The following CLNK variants were observed in gnomAD, a reference collection of about 807,000 sequenced individuals.
The protein encoded by CLNK is cytokine-dependent hematopoietic cell linker.
In CLNK, 74 loss-of-function variants were observed where a neutral mutation model predicts 68.6. That is an observed-to-expected ratio of 1.08 (90% CI 0.89 to 1.31). CLNK has a LOEUF of 1.31. CLNK is among the 50% of genes most tolerant of loss of function. The pLI is 0.00. For missense variants in CLNK, 553 were observed against 515.3 expected, an observed-to-expected ratio of 1.07 and a Z score of -0.71; for synonymous variants, 198 against 172.2, an observed-to-expected ratio of 1.15 and a Z score of -1.17.
chr4:10,564,771 T>G lies in CLNK; in HGVS notation c.299A>C (p.His100Pro). The G allele has an allele frequency of 6.3e-7, 1 of 1,593,010 alleles. No homozygotes were observed. The highest frequency in any genetic ancestry group is 8.6e-7 in the Non-Finnish European group (1 of 1,160,838). ...PIKESEYADT[H>P]YFKVAMDTPL... is the part of the protein sequence containing the mutation. ...AGTGTCCATTGCAACCTTGAAATAG[T>G]GTGTATCTATGCAAACAGAAAAATA... The change falls in exon 7 of 19, where the codon CAC (histidine) becomes CCC (proline). Residue 100 changes from histidine (H) to proline (P), a missense_variant. Transcript: ENST00000226951.
intron 2 of CLNK, among the ~76,000 whole-genome samples, chr4:10,631,380 A>T (rs960398092): frequency 2.0e-5 from 3 of 152,260 alleles, no homozygotes; most frequent in African/African-American, 7.2e-5. Context: ...AACCAGAGAT[A>T]GGTGGGAGAG....
At chr4:10,545,885 C>T (rs1056544468) in intron 8 of CLNK, among the ~76,000 whole-genome samples, 2 of 152,172 alleles carry the variant, frequency 1.3e-5, no homozygotes, top group African/African-American at 4.8e-5. Flanking sequence ...AGTACAAGGG[C>T]CTCAACTGGG....
chr4:10,564,085 T>C (rs989744832), intron 7 of CLNK, among the ~76,000 whole-genome samples: 10 of 151,870 alleles, frequency 6.6e-5, no homozygotes, highest in Admixed American at 5.3e-4. Context: ...TTAGGGCATT[T>C]GCATTTACTA....
chr4:10,704,837 G>A, the CLNK span, among the ~76,000 whole-genome samples: 401 of 152,352 alleles, frequency 2.6e-3, 1 homozygote, highest in African/African-American at 9.0e-3. Flanking sequence ...CTGGTGAAAT[G>A]CCTGGCACCC....
chr4:10,668,458 G>T (rs988899375), intron 1 of CLNK, among the ~76,000 whole-genome samples: 1 of 152,266 alleles, frequency 6.6e-6, no homozygotes, highest in South Asian at 2.1e-4. Context: ...TAAGGGCTTC[G>T]TATCAATGAT....
At position 10,598,010 on chromosome 4, in the gene CLNK, CA is replaced by C; in HGVS notation, c.50del (p.Leu17Ter). 1 of 1,589,234 alleles carries C rather than the reference CA, an allele frequency of 6.3e-7. No homozygotes were observed. Among genetic ancestry groups the C allele is most frequent in the Non-Finnish European group, 8.6e-7 (1 of 1,166,222 alleles). On this transcript the variant is annotated frameshift_variant, in exon 3 of 19. Coordinates refer to ENST00000226951, the MANE Select transcript of CLNK (RefSeq NM_052964.4). LOFTEE classifies it high-confidence loss of function. ...RKTTKEGSND[L>X]KFQNFSLPKN... ...TTGGCAGACTGAAGTTCTGGAATTTCAAATCGTTGGATCCTTCTTTAGTTGT... is the reference window on the plus strand; with the variant it reads ...TTGGCAGACTGAAGTTCTGGAATTTCAATCGTTGGATCCTTCTTTAGTTGT...
chr4:10,729,164 T>C, the CLNK span, among the ~76,000 whole-genome samples: 6 of 152,206 alleles, frequency 3.9e-5, no homozygotes, highest in Non-Finnish European at 8.8e-5. Flanking sequence ...TTTCTCTTTG[T>C]GTCCTGTTTG....
At chr4:10,680,570 G>A (rs1296367437) in intron 1 of CLNK, among the ~76,000 whole-genome samples, 1 of 152,104 alleles carries the variant, frequency 6.6e-6, no homozygotes, top group African/African-American at 2.4e-5. Flanking sequence ...TCTAAGGAAG[G>A]TTTGTTTAAA....
rs1377585628 is a variant in CLNK, at chr4:10,513,604, A to G, written c.773-7T>C. The G allele has an allele frequency of 3.8e-6, 6 of 1,590,338 alleles. No homozygotes were observed. Among genetic ancestry groups the G allele is most frequent in the Admixed American group, 1.8e-5 (1 of 55,880 alleles). On this transcript the variant is annotated splice_polypyrimidine_tract_variant and splice_region_variant and intron_variant, in intron 15 of 18. Transcript: ENST00000226951. ...TGCATGCCTCCTCTATGATCTGGAA[A>G]GGTTAAATTCACATTTCAGTGTGAT...
chr4:10,723,754 G>T, the CLNK span, among the ~76,000 whole-genome samples: 1 of 152,074 alleles, frequency 6.6e-6, no homozygotes, highest in Non-Finnish European at 1.5e-5. Context: ...ACACAGGTTT[G>T]TTGAAACAGC....
At chr4:10,671,606 T>G (rs1377327225) in intron 1 of CLNK, among the ~76,000 whole-genome samples, 5 of 152,102 alleles carry the variant, frequency 3.3e-5, no homozygotes, top group African/African-American at 1.2e-4. Flanking sequence ...GAGTCTTATG[T>G]CCCCTGGCTT....
intron 8 of CLNK, among the ~76,000 whole-genome samples, chr4:10,547,578 G>A (rs1277668885): frequency 6.6e-6 from 1 of 152,160 alleles, no homozygotes; most frequent in Admixed American, 6.5e-5. Flanking sequence ...ATGTGGTAGA[G>A]TGGGTCTCCA....
intron 2 of CLNK, among the ~76,000 whole-genome samples, chr4:10,647,126 A>G (rs1723543352): frequency 6.6e-6 from 1 of 152,094 alleles, no homozygotes. Context: ...ATTAACCCCT[A>G]CTAAGTGGGT....
At chr4:10,514,389 G>A (rs548139427) in intron 15 of CLNK, among the ~76,000 whole-genome samples, 30 of 152,162 alleles carry the variant, frequency 2.0e-4, no homozygotes, top group South Asian at 8.3e-4. Flanking sequence ...TGGGATGGCC[G>A]GACCAAAACA....
At chr4:10,544,589 T>C (rs1444578264) in intron 8 of CLNK, among the ~76,000 whole-genome samples, 2 of 151,862 alleles carry the variant, frequency 1.3e-5, no homozygotes, top group Non-Finnish European at 2.9e-5. Flanking sequence ...GAGGCATCTG[T>C]GGTTAGGGGA....
At position 10,496,089 on chromosome 4, in the gene CLNK, A is replaced by C. The variant is rs76934337; in HGVS notation, c.1140+5167T>G. Among the ~76,000 whole-genome samples the C allele has an allele frequency of 5.3e-4, 80 of 152,358 alleles. No homozygotes were observed. In the East Asian group the frequency reaches 0.011, roughly 22 times the overall value. ...GGGGAAGGGAATACTTATTAAGCAC[A>C]TGCCTCTATGTGTCTGCCACTATTT... On this transcript the variant is annotated intron_variant, in intron 18 of 18. Transcript: ENST00000226951.
chr4:10,559,355 T>C (rs1400112306), intron 7 of CLNK, among the ~76,000 whole-genome samples: 1 of 152,132 alleles, frequency 6.6e-6, no homozygotes, highest in Non-Finnish European at 1.5e-5. Context: ...CTTCTTTTGG[T>C]TATATCTAAT....
At chr4:10,673,335 C>A (rs1346732961) in intron 1 of CLNK, among the ~76,000 whole-genome samples, 3 of 152,326 alleles carry the variant, frequency 2.0e-5, no homozygotes, top group South Asian at 2.1e-4. Flanking sequence ...AGCTTCACCA[C>A]AACTCCCCTC....
At chr4:10,582,985 G>C in intron 4 of CLNK, among the ~76,000 whole-genome samples, 1 of 152,058 alleles carries the variant, frequency 6.6e-6, no homozygotes, top group Admixed American at 6.6e-5. Flanking sequence ...CATATCCATG[G>C]CAATGAATGT....
Sources: allele counts gnomAD v4.1 joint callset (sites outside exome capture counted in the v4.1 genomes callset), GRCh38; gene constraint gnomAD v4.1.1; transcripts MANE v1.5; gene names NCBI Gene and HGNC (gene_info 2026-07-23, HGNC 2026-07-21).